The following EPHA6 variants were observed in gnomAD, a reference collection of about 807,000 sequenced individuals.
EPHA6 encodes ephrin type-A receptor 6.
Under a neutral mutation model 112.0 loss-of-function variants are expected in EPHA6, and 50 were observed. The observed-to-expected ratio is 0.45, with a 90% confidence interval of 0.36 to 0.56. The LOEUF is 0.56. Among genes scored for constraint, EPHA6 ranks in the 20% least tolerant of loss-of-function variants. The probability of loss-of-function intolerance (pLI) is 0.00; values close to 1 mark genes in which losing one functional copy is unlikely to be tolerated. For missense variants in EPHA6, 1,280 were observed against 1,417.4 expected (o/e 0.90, Z 1.56); for synonymous variants, 529 against 490.7 (o/e 1.08, Z -1.03).
chr3:97,249,930 C>T (rs568076927), intron 5 of EPHA6, among the ~76,000 whole-genome samples: 2 of 152,200 alleles, frequency 1.3e-5, no homozygotes, highest in African/African-American at 2.4e-5. Flanking sequence ...CTTTTATAGA[C>T]ATTATACTTT....
chr3:97,641,711 C>G (rs560126351), intron 14 of EPHA6, among the ~76,000 whole-genome samples: 1 of 152,184 alleles, frequency 6.6e-6, no homozygotes, highest in Non-Finnish European at 1.5e-5. Flanking sequence ...CACTCCCACC[C>G]GAATATTGCG....
intron 2 of EPHA6, among the ~76,000 whole-genome samples, chr3:96,867,947 G>A (rs893011372): frequency 6.6e-6 from 1 of 151,764 alleles, no homozygotes; most frequent in African/African-American, 2.4e-5. Flanking sequence ...TATACTGCGA[G>A]TTTATTTTTC....
chr3:97,554,277 G>A (rs1458247156), intron 11 of EPHA6, among the ~76,000 whole-genome samples: 1 of 151,964 alleles, frequency 6.6e-6, no homozygotes, highest in African/African-American at 2.4e-5. Flanking sequence ...CCATCCAGTT[G>A]TATTCTCTAG....
chr3:97,250,545 G>A (rs920088775), intron 5 of EPHA6, among the ~76,000 whole-genome samples: 6 of 152,102 alleles, frequency 3.9e-5, no homozygotes, highest in East Asian at 1.9e-4. Context: ...ATAGTCATAC[G>A]ATTCTTTAGT....
chr3:96,863,220 G>A (rs1022694032), intron 1 of EPHA6, among the ~76,000 whole-genome samples: 1 of 151,764 alleles, frequency 6.6e-6, no homozygotes, highest in African/African-American at 2.4e-5. Flanking sequence ...AAAAGTATTG[G>A]CTTTTTTACT....
chr3:97,173,991 T>C (rs1374318098), intron 3 of EPHA6, among the ~76,000 whole-genome samples: 1 of 151,638 alleles, frequency 6.6e-6, no homozygotes, highest in African/African-American at 2.4e-5. Flanking sequence ...CTTTCTATTT[T>C]TTTTACCCAT....
intron 14 of EPHA6, among the ~76,000 whole-genome samples, chr3:97,663,708 CCACATT>C: frequency 6.6e-6 from 1 of 152,154 alleles, no homozygotes; most frequent in East Asian, 1.9e-4. Flanking sequence ...TGTATATGTG[CCACATT>C]TTCTTAATCC....
At chr3:96,992,843 T>C (rs767364924) in intron 3 of EPHA6, among the ~76,000 whole-genome samples, 6 of 152,224 alleles carry the variant, frequency 3.9e-5, no homozygotes, top group Admixed American at 3.9e-4. Flanking sequence ...AAATTGTATT[T>C]ATTCTTCAAG....
intron 10 of EPHA6, among the ~76,000 whole-genome samples, chr3:97,525,882 A>G (rs2092611991): frequency 6.6e-6 from 1 of 152,124 alleles, no homozygotes; most frequent in Non-Finnish European, 1.5e-5. Flanking sequence ...GGATTCACAG[A>G]TTGCAGGTCT....
chr3:97,555,728 T>C (rs982843306), intron 11 of EPHA6, among the ~76,000 whole-genome samples: 1 of 152,164 alleles, frequency 6.6e-6, no homozygotes, highest in Non-Finnish European at 1.5e-5. Context: ...GTGTCTTCTT[T>C]TGAGAAGTGT....
At chr3:97,182,963 G>T (rs1385168214) in intron 3 of EPHA6, among the ~76,000 whole-genome samples, 3 of 151,854 alleles carry the variant, frequency 2.0e-5, no homozygotes, top group African/African-American at 7.3e-5. Context: ...TTTCTTCTTT[G>T]TTTTTTATGG....
intron 5 of EPHA6, among the ~76,000 whole-genome samples, chr3:97,360,903 G>A (rs1013021752): frequency 6.6e-6 from 1 of 152,010 alleles, no homozygotes; most frequent in Admixed American, 6.6e-5. Context: ...AGCTACTGTC[G>A]ACCCTAAAGT....
At chr3:97,372,746 A>G (rs1485050237) in intron 5 of EPHA6, among the ~76,000 whole-genome samples, 1 of 152,154 alleles carries the variant, frequency 6.6e-6, no homozygotes, top group Non-Finnish European at 1.5e-5. Flanking sequence ...ATGCTAAACT[A>G]CATAATACAA....
At chr3:96,998,230 T>A (rs1437386430) in intron 3 of EPHA6, among the ~76,000 whole-genome samples, 1 of 151,928 alleles carries the variant, frequency 6.6e-6, no homozygotes, top group Non-Finnish European at 1.5e-5. Flanking sequence ...ATGTTACCCA[T>A]GTCACCCACT....
intron 3 of EPHA6, among the ~76,000 whole-genome samples, chr3:97,202,540 G>T (rs2077603110): frequency 6.6e-6 from 1 of 151,972 alleles, no homozygotes; most frequent in African/African-American, 2.4e-5. Context: ...TGCCATGCTG[G>T]CCAGGCTTAT....
chr3:97,343,230 T>A lies in EPHA6; in HGVS notation c.1607-61920T>A, dbSNP rs763180947. On this transcript the variant is annotated intron_variant, in intron 5 of 17. Coordinates refer to ENST00000389672, the MANE Select transcript of EPHA6 (RefSeq NM_001080448.3). ...GTCTCAAACAGAAATGAAGAACATG[T>A]TATTAAAAACTTGAGGAGAGGCAAT... 3.2e-4 allele frequency among the ~76,000 whole-genome samples: 49 copies of A among 152,296 alleles called. 1 individual carries two copies. Among genetic ancestry groups the A allele is most frequent in the Middle Eastern group, 3.4e-3 (1 of 294 alleles).
At chr3:97,489,544 G>T (rs1046848426) in intron 10 of EPHA6, among the ~76,000 whole-genome samples, 8 of 151,940 alleles carry the variant, frequency 5.3e-5, no homozygotes, top group Non-Finnish European at 1.2e-4. Flanking sequence ...AAATTAGCAG[G>T]GCGTTGTGGC....
intron 7 of EPHA6, among the ~76,000 whole-genome samples, chr3:97,462,546 T>C (rs1870310): frequency 0.27 from 40,646 of 152,032 alleles, 9,945 homozygotes; most frequent in African/African-American, 0.64. Flanking sequence ...AAAATAATAG[T>C]CATCTCATGA....
intron 5 of EPHA6, among the ~76,000 whole-genome samples, chr3:97,401,174 A>G (rs2086970159): frequency 6.6e-6 from 1 of 151,698 alleles, no homozygotes. Context: ...CTGTTGAGAT[A>G]ATTATATTTT....
Sources: gnomAD v4.1 joint callset for allele counts (sites outside exome capture counted in the v4.1 genomes callset) on GRCh38, gnomAD v4.1.1 for gene constraint, MANE v1.5 for transcripts, NCBI Gene and HGNC (gene_info 2026-07-23, HGNC 2026-07-21) for gene names.